The following LRP1B variants were observed in gnomAD, a reference collection of about 807,000 sequenced individuals.
LRP1B encodes low-density lipoprotein receptor-related protein 1B.
In LRP1B, 217 loss-of-function variants were observed where a neutral mutation model predicts 556.6. The observed-to-expected ratio is 0.39, with a 90% CI of 0.35 to 0.44. The LOEUF is 0.44. LRP1B is among the 20% of genes least tolerant of loss of function. The probability of loss-of-function intolerance (pLI) is 1.00; values close to 1 mark genes in which losing one functional copy is unlikely to be tolerated. For missense variants in LRP1B, 5,053 were observed against 5,620.8 expected, an observed-to-expected ratio of 0.90 and a Z score of 3.23; for synonymous variants, 2,047 against 1,865.8, an observed-to-expected ratio of 1.10 and a Z score of -2.50.
chr2:140,722,785 T>A (rs1356217496), intron 35 of LRP1B, among the ~76,000 whole-genome samples: 6 of 152,202 alleles, frequency 3.9e-5, no homozygotes. Context: ...GGCTCACGCC[T>A]GTAATCCCAA....
At chr2:141,858,576 C>T (rs1574435205) in intron 1 of LRP1B, among the ~76,000 whole-genome samples, 2 of 152,146 alleles carry the variant, frequency 1.3e-5, no homozygotes, top group African/African-American at 4.8e-5. Flanking sequence ...ATCTCTTTTT[C>T]CTCAGAGAGC....
At chr2:141,639,738 C>T (rs2105362281) in intron 2 of LRP1B, among the ~76,000 whole-genome samples, 1 of 152,206 alleles carries the variant, frequency 6.6e-6, no homozygotes, top group African/African-American at 2.4e-5. Context: ...AGGATTATTA[C>T]AGTGAGGCAT....
chr2:141,339,789 T>G (rs1687988339), intron 3 of LRP1B, among the ~76,000 whole-genome samples: 1 of 150,484 alleles, frequency 6.6e-6, no homozygotes, highest in Admixed American at 6.6e-5. Flanking sequence ...ATTTATTTAT[T>G]TATTTTACAG....
chr2:140,579,324 T>A (rs569945198), intron 43 of LRP1B, among the ~76,000 whole-genome samples: 18 of 152,080 alleles, frequency 1.2e-4, no homozygotes, highest in Admixed American at 1.0e-3. Flanking sequence ...GCTTTTTTTT[T>A]AGCTAATTTC....
intron 66 of LRP1B, among the ~76,000 whole-genome samples, chr2:140,404,935 C>T (rs541941815): frequency 6.6e-6 from 1 of 152,254 alleles, no homozygotes; most frequent in Non-Finnish European, 1.5e-5. Context: ...TTCTTCTCAT[C>T]AGTACATGAA....
At chr2:141,203,890 C>A (rs1682152669) in intron 6 of LRP1B, among the ~76,000 whole-genome samples, 1 of 152,172 alleles carries the variant, frequency 6.6e-6, no homozygotes, top group East Asian at 1.9e-4. Context: ...CTCAAAACCA[C>A]ACAACTACAT....
intron 58 of LRP1B, among the ~76,000 whole-genome samples, chr2:140,485,862 C>CACACACAT (rs1238697433): frequency 1.3e-5 from 2 of 151,074 alleles, no homozygotes; most frequent in Non-Finnish European, 3.0e-5. Context: ...CACACACACA[C>CACACACAT]ACACACACAC....
intron 2 of LRP1B, among the ~76,000 whole-genome samples, chr2:141,587,621 A>G (rs1372347213): frequency 6.6e-6 from 1 of 152,190 alleles, no homozygotes; most frequent in Admixed American, 6.5e-5. Flanking sequence ...AGCAATACAC[A>G]CTAAAATGCC....
chr2:141,436,008 G>A (rs573898586), intron 3 of LRP1B, among the ~76,000 whole-genome samples: 1 of 152,294 alleles, frequency 6.6e-6, no homozygotes, highest in East Asian at 1.9e-4. Flanking sequence ...ATAACATGGA[G>A]CTGAAAGGGT....
chr2:141,137,158 AT>A, intron 7 of LRP1B, among the ~76,000 whole-genome samples: 2 of 152,074 alleles, frequency 1.3e-5, no homozygotes, highest in South Asian at 4.1e-4. Flanking sequence ...CATTGTTATA[AT>A]TTTTAAATGC....
intron 9 of LRP1B, among the ~76,000 whole-genome samples, chr2:141,058,253 A>G (rs1558831054): frequency 6.6e-6 from 1 of 151,884 alleles, no homozygotes; most frequent in African/African-American, 2.4e-5. Flanking sequence ...TGCTTAGATA[A>G]TTCTAGGCTA....
chr2:141,788,071 A>C (rs1179241318), intron 2 of LRP1B, among the ~76,000 whole-genome samples: 1 of 152,022 alleles, frequency 6.6e-6, no homozygotes, highest in Admixed American at 6.6e-5. Context: ...AATCTCTGAG[A>C]TAGAAGTAAG....
chr2:141,792,825 T>G (rs1400022307), intron 2 of LRP1B, among the ~76,000 whole-genome samples: 1 of 151,872 alleles, frequency 6.6e-6, no homozygotes, highest in Non-Finnish European at 1.5e-5. Flanking sequence ...ATAATATCAA[T>G]GAAAAGGGAA....
At chr2:140,844,398 C>T (rs1304806399) in intron 29 of LRP1B, among the ~76,000 whole-genome samples, 2 of 152,020 alleles carry the variant, frequency 1.3e-5, no homozygotes, top group African/African-American at 4.8e-5. Flanking sequence ...TAACATTTTT[C>T]TCCCACCAGA....
At chr2:141,829,762 C>T (rs574440894) in intron 1 of LRP1B, among the ~76,000 whole-genome samples, 1 of 151,892 alleles carries the variant, frequency 6.6e-6, no homozygotes, top group Non-Finnish European at 1.5e-5. Flanking sequence ...TTCTTTTTTA[C>T]TTAGCTGAAA....
chr2:140,483,579 T>TATATACAC lies in LRP1B; in HGVS notation c.9425+1763_9425+1764insGTGTATAT, dbSNP rs200559665. Among the ~76,000 whole-genome samples, 4 of 142,454 alleles carry TATATACAC rather than the reference T, an allele frequency of 2.8e-5. 1 individual carries two copies. Among genetic ancestry groups the TATATACAC allele is most frequent in the African/African-American group, 1.1e-4 (4 of 37,738 alleles). 93.5% of individuals were successfully genotyped at this position (142,454 alleles called of 152,430 possible). ...ACACTCAAATATATATATATATATG[T>TATATACAC]ACACACACATATATATAGACACACA... On this transcript the variant is annotated intron_variant, in intron 59 of 90. Coordinates refer to ENST00000389484, the MANE Select transcript of LRP1B (RefSeq NM_018557.3).
At position 141,923,446 on chromosome 2, in the gene LRP1B, A is replaced by ATGTGTG. The variant is rs56356725; in HGVS notation, c.83-113051_83-113046dup. Among the ~76,000 whole-genome samples, 527 of 81,674 alleles carry ATGTGTG rather than the reference A, an allele frequency of 6.5e-3. 6 individuals are homozygous for ATGTGTG. The highest frequency in any genetic ancestry group is 0.02 in the African/African-American group (414 of 21,064). 53.6% of individuals were successfully genotyped at this position (81,674 alleles called of 152,430 possible). On this transcript the variant is annotated intron_variant, in intron 1 of 90. Transcript: ENST00000389484. ...ATAGTGACAAAGAGATTATATATAT[A>ATGTGTG]TGTGTGTGTGTGTGTGTGTGTGTGT...
intron 1 of LRP1B, among the ~76,000 whole-genome samples, chr2:141,919,142 G>T (rs895609555): frequency 1.3e-5 from 2 of 152,000 alleles, no homozygotes; most frequent in African/African-American, 4.8e-5. Flanking sequence ...TTTTACACTT[G>T]TGTATTGGAA....
chr2:140,570,091 T>G (rs1681267750), intron 43 of LRP1B, among the ~76,000 whole-genome samples: 1 of 151,586 alleles, frequency 6.6e-6, no homozygotes, highest in South Asian at 2.1e-4. Flanking sequence ...TAGAAAGATA[T>G]CAAATTAACA....
Sources: gnomAD v4.1 joint callset for allele counts (sites outside exome capture counted in the v4.1 genomes callset) on GRCh38, gnomAD v4.1.1 for gene constraint, MANE v1.5 for transcripts, NCBI Gene and HGNC (gene_info 2026-07-23, HGNC 2026-07-21) for gene names.